Variants in ZNF516 observed in about 807,000 individuals in gnomAD.
ZNF516 encodes zinc finger protein 516.
In ZNF516, 19 loss-of-function variants were observed where a neutral mutation model predicts 79.7. That is an observed-to-expected ratio of 0.24 (90% confidence interval 0.17 to 0.35). The LOEUF is 0.35. Ranked by LOEUF, ZNF516 falls within the 10% of genes least tolerant of loss-of-function variation. The pLI is 1.00. For synonymous variants in ZNF516, 877 were observed against 739.5 expected (o/e 1.19, Z -3.02); for missense variants, 1,678 against 1,679.5 (o/e 1.00, Z 0.02).
chr18:76,483,021 C>T (rs919648619), intron 1 of ZNF516, among the ~76,000 whole-genome samples: 5 of 152,112 alleles, frequency 3.3e-5, no homozygotes, highest in Non-Finnish European at 7.4e-5. Flanking sequence ...AAAAAAAATT[C>T]TGAATTTACT....
chr18:76,489,247 T>C (rs1915014642), intron 1 of ZNF516, among the ~76,000 whole-genome samples: 1 of 152,254 alleles, frequency 6.6e-6, no homozygotes, highest in South Asian at 2.1e-4. Flanking sequence ...GTACTGGTTT[T>C]TCAAGAATAA....
chr18:76,404,620 T>C (rs946861514), intron 3 of ZNF516, among the ~76,000 whole-genome samples: 8 of 152,186 alleles, frequency 5.3e-5, no homozygotes, highest in Non-Finnish European at 8.8e-5. Flanking sequence ...TGTTTGTAAG[T>C]ATGAGTGCAC....
chr18:76,434,540 T>C (rs1250002024), intron 3 of ZNF516, among the ~76,000 whole-genome samples: 1 of 152,202 alleles, frequency 6.6e-6, no homozygotes, highest in Non-Finnish European at 1.5e-5. Flanking sequence ...ACTGAATGTC[T>C]ATCCTAAGTA....
At chr18:76,447,084 G>C (rs1383484982) in intron 2 of ZNF516, among the ~76,000 whole-genome samples, 2 of 152,182 alleles carry the variant, frequency 1.3e-5, no homozygotes, top group South Asian at 2.1e-4. Flanking sequence ...ACTCTCCTAA[G>C]GGGTTACTCA....
chr18:76,376,473 C>A (rs557793565), intron 4 of ZNF516, among the ~76,000 whole-genome samples: 1 of 149,846 alleles, frequency 6.7e-6, no homozygotes, highest in African/African-American at 2.5e-5. Flanking sequence ...AAGATGAGTG[C>A]ATGTACTTTG....
chr18:76,396,011 G>A (rs941121841), intron 3 of ZNF516, among the ~76,000 whole-genome samples: 7 of 152,202 alleles, frequency 4.6e-5, no homozygotes, highest in Non-Finnish European at 1.0e-4. Flanking sequence ...CGTACAACCT[G>A]AAGTATGAGA....
intron 2 of ZNF516, among the ~76,000 whole-genome samples, chr18:76,457,286 T>C (rs1400566780): frequency 6.6e-6 from 1 of 152,234 alleles, no homozygotes; most frequent in Non-Finnish European, 1.5e-5. Flanking sequence ...TGAACATATC[T>C]CCACTTTTGA....
chr18:76,478,171 C>G (rs941806509), intron 1 of ZNF516, among the ~76,000 whole-genome samples: 6 of 152,146 alleles, frequency 3.9e-5, no homozygotes, highest in African/African-American at 9.7e-5. Context: ...GTGACAGATT[C>G]ATAAAGAGAG....
chr18:76,403,848 G>T (rs2075264110), intron 3 of ZNF516, among the ~76,000 whole-genome samples: 1 of 152,186 alleles, frequency 6.6e-6, no homozygotes, highest in South Asian at 2.1e-4. Context: ...AGATGCAGCT[G>T]CCAGTAATGA....
At position 76,360,048 on chromosome 18, in the gene ZNF516, A is replaced by G. The variant is rs2074507674; in HGVS notation, c.*2450T>C. 2 of 152,120 alleles carry G rather than the reference A, an allele frequency of 1.3e-5. No individual in the cohort carries two copies. 9.4% of individuals were successfully genotyped at this position (152,120 alleles called of 1,614,324 possible). A position where few individuals can be genotyped will look rare whatever the true frequency, so the allele number is the denominator to read the frequency against. ...AACTGGGTGAAAACCTTCCTCCTGCACTCTGTGCACCCTGCGCGGCCCCGC... is the reference window on the plus strand; with the variant it reads ...AACTGGGTGAAAACCTTCCTCCTGCGCTCTGTGCACCCTGCGCGGCCCCGC... On this transcript the variant is annotated 3_prime_UTR_variant, in exon 7 of 7. Transcript: ENST00000443185.
At chr18:76,392,328 G>A (rs2075085671) in intron 3 of ZNF516, among the ~76,000 whole-genome samples, 1 of 152,192 alleles carries the variant, frequency 6.6e-6, no homozygotes, top group Admixed American at 6.5e-5. Context: ...CAATCTTCTG[G>A]TCAGCCACAG....
chr18:76,478,101 G>T (rs750377218), intron 1 of ZNF516, among the ~76,000 whole-genome samples: 3 of 152,182 alleles, frequency 2.0e-5, no homozygotes, highest in Non-Finnish European at 2.9e-5. Context: ...GTGGAGAGCA[G>T]AAAGTGTACT....
chr18:76,451,427 G>C lies in ZNF516; in HGVS notation c.-157-8216C>G, dbSNP rs77440898. On this transcript the variant is annotated intron_variant, in intron 2 of 6. Transcript: ENST00000443185. The surrounding 1 kb of genome is among the most constrained non-coding windows in gnomAD (Gnocchi z 6.0). The stretch of plus-strand genomic sequence containing the variant: ...TTCCTCAGGAGGGGCTGGAGTGAAC[G>C]GGAGGAATTGGGGAGGGAGGGAAAA... 2.0e-5 allele frequency among the ~76,000 whole-genome samples: 3 copies of C among 152,204 alleles called. No homozygotes were observed. Among genetic ancestry groups the C allele is most frequent in the Non-Finnish European group, 4.4e-5 (3 of 68,036 alleles).
intron 3 of ZNF516, among the ~76,000 whole-genome samples, chr18:76,390,775 G>A (rs2075060407): frequency 6.6e-6 from 1 of 152,182 alleles, no homozygotes; most frequent in Non-Finnish European, 1.5e-5. Context: ...GCGGCGGTGT[G>A]ATAAACACAT....
At chr18:76,480,474 TAC>T (rs879277192) in intron 1 of ZNF516, among the ~76,000 whole-genome samples, 2 of 148,136 alleles carry the variant, frequency 1.4e-5, no homozygotes, top group Admixed American at 1.4e-4. Flanking sequence ...TACATATATA[TAC>T]ACACACACAT....
chr18:76,480,529 A>ATATTTTTT (rs374464151), intron 1 of ZNF516, among the ~76,000 whole-genome samples: 8,519 of 141,662 alleles, frequency 0.06, 365 homozygotes, highest in Non-Finnish European at 0.087. Flanking sequence ...ACACACATAT[A>ATATTTTTT]TTTTTTTTTT....
chr18:76,472,339 G>A (rs920054527), intron 1 of ZNF516, among the ~76,000 whole-genome samples: 1 of 151,374 alleles, frequency 6.6e-6, no homozygotes, highest in Non-Finnish European at 1.5e-5. Flanking sequence ...ATCCCTGACA[G>A]GCATGTGCAC....
intron 1 of ZNF516, chr18:76,492,126 C>T: frequency 1.3e-5 from 13 of 982,198 alleles, no homozygotes; most frequent in Non-Finnish European, 1.6e-5. Context: ...GTAGTGGGCA[C>T]GTGGGTCCTT....
rs1250622160 is a variant in ZNF516, at chr18:76,493,352, C to T, written c.-272+1792G>A. 6.0e-6 allele frequency: 1 copy of T among 167,808 alleles called. No individual in the cohort carries two copies. Among genetic ancestry groups the T allele is most frequent in the African/African-American group, 2.5e-5 (1 of 40,482 alleles). The allele number at this position is 167,808 out of a possible 1,614,324, so 10.4% of individuals were successfully genotyped here. A position where few individuals can be genotyped will look rare whatever the true frequency, so the allele number is the denominator to read the frequency against. Reference sequence around the variant, plus strand: ...GGGCGGGGGGGGGGGCGGGGGCCGACGCAGGGGAAAGAGTTGCTCTCTACA... The same window carrying T: ...GGGCGGGGGGGGGGGCGGGGGCCGATGCAGGGGAAAGAGTTGCTCTCTACA... On this transcript the variant is annotated intron_variant, in intron 1 of 6. Coordinates refer to ENST00000443185, the MANE Select transcript of ZNF516 (RefSeq NM_014643.4). The surrounding 1 kb of genome is among the most constrained non-coding windows in gnomAD (Gnocchi z 5.2).
Sources: gnomAD v4.1 joint callset for allele counts (sites outside exome capture counted in the v4.1 genomes callset) on GRCh38, gnomAD v4.1.1 for gene constraint, Gnocchi (gnomAD v3.1) non-coding constraint, MANE v1.5 for transcripts, NCBI Gene and HGNC (gene_info 2026-07-23, HGNC 2026-07-21) for gene names.